MAF: variants seen among roughly 807,000 people sequenced by gnomAD.
MAF encodes transcription factor Maf.
In MAF, 10 loss-of-function variants were observed where a neutral mutation model predicts 22.0. That is an observed-to-expected ratio of 0.45 (90% CI 0.28 to 0.77). The LOEUF is 0.77. Among genes scored for constraint, MAF ranks in the 30% least tolerant of loss-of-function variants. The probability of loss-of-function intolerance (pLI) is 0.12; values close to 1 mark genes in which losing one functional copy is unlikely to be tolerated. For synonymous variants in MAF, 337 were observed against 255.8 expected (o/e 1.32, Z -3.03); for missense variants, 544 against 548.4 (o/e 0.99, Z 0.08).
the MAF span, among the ~76,000 whole-genome samples, chr16:79,296,411 C>T: frequency 1.5e-4 from 23 of 152,180 alleles, no homozygotes; most frequent in East Asian, 4.4e-3. Flanking sequence ...ATAGCTAATG[C>T]ATGCGGGGTG....
At chr16:79,560,288 C>G in the MAF span, among the ~76,000 whole-genome samples, 1 of 152,086 alleles carries the variant, frequency 6.6e-6, no homozygotes, top group African/African-American at 2.4e-5. Context: ...TTGGTTAAAT[C>G]ATGAAGTGAA....
chr16:79,240,115 G>A, the MAF span, among the ~76,000 whole-genome samples: 1 of 151,848 alleles, frequency 6.6e-6, no homozygotes, highest in African/African-American at 2.4e-5. Context: ...GCCCAGAATG[G>A]CATTGGGGGT....
chr16:79,551,938 C>T, the MAF span, among the ~76,000 whole-genome samples: 7 of 151,956 alleles, frequency 4.6e-5, no homozygotes, highest in South Asian at 2.1e-4. Context: ...CTGGGCCTGG[C>T]CTTACCTAAT....
At chr16:79,302,861 T>C in the MAF span, among the ~76,000 whole-genome samples, 10 of 152,188 alleles carry the variant, frequency 6.6e-5, no homozygotes, top group East Asian at 1.9e-4. Flanking sequence ...AAATGCAAAA[T>C]AGTCAATCTG....
chr16:79,525,010 A>T, the MAF span, among the ~76,000 whole-genome samples: 9 of 152,312 alleles, frequency 5.9e-5, no homozygotes, highest in South Asian at 1.7e-3. Flanking sequence ...AATAAGATTT[A>T]AAAAATTGGA....
Position 79,599,542 on chromosome 16 carries a change from T to C in MAF, c.361A>G (p.Ser121Gly). ...EDAVEALISN[S>G]HQLQGGFDGY... ...TCGAAGCCGCCCTGGAGCTGGTGGCTGTTGCTGATGAGCGCCTCGACCGCG... is the reference window on the plus strand; with the variant it reads ...TCGAAGCCGCCCTGGAGCTGGTGGCCGTTGCTGATGAGCGCCTCGACCGCG... Residue 121 changes from serine to glycine, a missense_variant, in exon 1 of 2, where the codon AGC becomes GGC. Ser to Gly is a moderately conservative substitution (Grantham distance 56). Transcript: ENST00000326043. 1 of 1,567,276 alleles carries C rather than the reference T, an allele frequency of 6.4e-7. No homozygotes were observed. The highest frequency in any genetic ancestry group is 8.6e-7 in the Non-Finnish European group (1 of 1,156,728).
At chr16:79,240,409 C>T in the MAF span, among the ~76,000 whole-genome samples, 1 of 146,322 alleles carries the variant, frequency 6.8e-6, no homozygotes, top group Non-Finnish European at 1.5e-5. Flanking sequence ...TTCAGGACCT[C>T]TCTAGCCAAC....
chr16:79,364,485 G>C, the MAF span, among the ~76,000 whole-genome samples: 1 of 152,170 alleles, frequency 6.6e-6, no homozygotes, highest in Non-Finnish European at 1.5e-5. Context: ...CACAGGAAGA[G>C]GAACGGTCCC....
the MAF span, among the ~76,000 whole-genome samples, chr16:79,218,472 T>G: frequency 6.6e-6 from 1 of 152,218 alleles, no homozygotes; most frequent in African/African-American, 2.4e-5. Flanking sequence ...GAACTGGAGT[T>G]CCTTGATCCA....
the MAF span, chr16:79,211,730 G>T: frequency 1.9e-6 from 3 of 1,614,198 alleles, no homozygotes; most frequent in East Asian, 4.5e-5. Context: ...GCGAAGAGAC[G>T]GCCCGGACCC....
the MAF span, among the ~76,000 whole-genome samples, chr16:79,327,974 A>G: frequency 6.6e-6 from 1 of 152,216 alleles, no homozygotes; most frequent in African/African-American, 2.4e-5. Context: ...TCCTTAATGC[A>G]TGATAACCTG....
the MAF span, among the ~76,000 whole-genome samples, chr16:79,412,525 G>A: frequency 2.6e-4 from 39 of 152,312 alleles, 1 homozygote; most frequent in East Asian, 5.8e-3. Context: ...GGTAACTGTT[G>A]TAGGGGCTGT....
chr16:79,272,822 G>A, the MAF span, among the ~76,000 whole-genome samples: 4 of 152,014 alleles, frequency 2.6e-5, no homozygotes, highest in Admixed American at 2.6e-4. Flanking sequence ...TGTCCTCCAC[G>A]TTGACCTGAT....
the MAF span, among the ~76,000 whole-genome samples, chr16:79,391,431 G>A: frequency 5.3e-5 from 8 of 152,162 alleles, no homozygotes; most frequent in Admixed American, 2.6e-4. Flanking sequence ...TTGACTCCAC[G>A]AGAAGTGCCT....
chr16:79,404,690 G>T, the MAF span, among the ~76,000 whole-genome samples: 140 of 151,868 alleles, frequency 9.2e-4, 1 homozygote, highest in Non-Finnish European at 1.7e-3. Context: ...GAGTGAGACT[G>T]GGTACGTCTC....
rs1365440895 is a variant in MAF, at chr16:79,596,953, T to G, written c.1118+1832A>C. 6.7e-6 allele frequency: 7 copies of G among 1,050,288 alleles called. No individual in the cohort carries two copies. In the South Asian group the frequency reaches 1.8e-4, roughly 28 times the overall value. The allele number at this position is 1,050,288 out of a possible 1,614,324, so 65.1% of individuals were successfully genotyped here. ...AATTCAGTCCCAAATACTTTAATTT[T>G]GAAAAGAAAAAAAAACATACATTTT... is the stretch of plus-strand genomic sequence containing the variant. On this transcript the variant is annotated intron_variant, in intron 1 of 1. Coordinates refer to ENST00000326043, the MANE Select transcript of MAF (RefSeq NM_005360.5).
the MAF span, among the ~76,000 whole-genome samples, chr16:79,341,124 G>T: frequency 6.6e-6 from 1 of 152,036 alleles, no homozygotes; most frequent in Admixed American, 6.5e-5. Flanking sequence ...GCAGGTGTGG[G>T]CACACAGTGG....
the MAF span, among the ~76,000 whole-genome samples, chr16:79,259,709 G>A: frequency 1.3e-5 from 2 of 152,242 alleles, no homozygotes; most frequent in East Asian, 3.9e-4. Flanking sequence ...AGGGTACAGG[G>A]GGCAGGACTG....
the MAF span, among the ~76,000 whole-genome samples, chr16:79,351,992 C>T: frequency 7.2e-5 from 11 of 152,080 alleles, no homozygotes; most frequent in East Asian, 7.7e-4. Flanking sequence ...GAAATGTCAC[C>T]GTTGAGATGA....
Sources: gnomAD v4.1 joint callset for allele counts (sites outside exome capture counted in the v4.1 genomes callset) on GRCh38, gnomAD v4.1.1 for gene constraint, MANE v1.5 for transcripts, NCBI Gene and HGNC (gene_info 2026-07-23, HGNC 2026-07-21) for gene names.